FZR1: variants seen among roughly 807,000 people sequenced by gnomAD.
FZR1 encodes fizzy-related protein homolog.
Under a neutral mutation model 63.6 loss-of-function variants are expected in FZR1, and 11 were observed. That is an observed-to-expected ratio of 0.17 (90% CI 0.11 to 0.29). The LOEUF is 0.29. FZR1 is among the 10% of genes least tolerant of loss of function. The pLI is 1.00. For synonymous variants in FZR1, 328 were observed against 297.9 expected, an observed-to-expected ratio of 1.10 and a Z score of -1.04; for missense variants, 440 against 687.5, an observed-to-expected ratio of 0.64 and a Z score of 4.03.
chr19:3,528,055 G>T (rs1323592544), intron 7 of FZR1, among the ~76,000 whole-genome samples: 1 of 145,078 alleles, frequency 6.9e-6, no homozygotes, highest in African/African-American at 2.8e-5. Context: ...TCCCAGCCAT[G>T]GCCCTCCCAG....
Position 3,526,466 on chromosome 19 carries a change from T to G in FZR1, c.387+80T>G. ...CCCCCCACCTCCCAGGCACCAGCTC[T>G]GCCTCCCCGAGCCCGGTTCTCGGGC... On this transcript the variant is annotated intron_variant, in intron 5 of 13. Coordinates refer to ENST00000441788, the MANE Select transcript of FZR1 (RefSeq NM_016263.4). This position sits in a 1 kb window ranked among gnomAD's most constrained non-coding sequence, Gnocchi z 5.4. 1.7e-6 allele frequency: 2 copies of G among 1,195,074 alleles called. No homozygotes were observed. The highest frequency in any genetic ancestry group is 2.4e-6 in the Non-Finnish European group (2 of 849,152). The allele number at this position is 1,195,074 out of a possible 1,614,324, so 74.0% of individuals were successfully genotyped here.
At chr19:3,531,872 G>A in intron 9 of FZR1, 39 bp from the exon 10 acceptor site, 1 of 1,565,912 alleles carries the variant, frequency 6.4e-7, no homozygotes, top group Non-Finnish European at 8.6e-7. Context: ...GCTCCGCGAG[G>A]GCAGGAGAGG....
chr19:3,516,295 G>A lies in FZR1; in HGVS notation c.-34-6661G>A, dbSNP rs996668194. On this transcript the variant is annotated intron_variant, in intron 1 of 13. Coordinates refer to ENST00000441788, the MANE Select transcript of FZR1 (RefSeq NM_016263.4). This position sits in a 1 kb window ranked among gnomAD's most constrained non-coding sequence, Gnocchi z 6.0. Reference sequence around the variant, plus strand: ...GGTTGGATTGGCAGCTCCTGACTGCGAGGGAGGACTGGTCCTTTCCCAGTG... The same window carrying A: ...GGTTGGATTGGCAGCTCCTGACTGCAAGGGAGGACTGGTCCTTTCCCAGTG... 1.3e-5 allele frequency among the ~76,000 whole-genome samples: 2 copies of A among 152,200 alleles called. No homozygotes were observed. Among genetic ancestry groups the A allele is most frequent in the African/African-American group, 4.8e-5 (2 of 41,450 alleles).
Position 3,533,021 on chromosome 19 carries a change from G to A in FZR1, c.1243-273G>A. ...GCGTGTCACCAGGACAGTCTCGGGG[G>A]TGACTTGCAGGTGGGGCAGAGGGGC... On this transcript the variant is annotated intron_variant, in intron 11 of 13. Coordinates refer to ENST00000441788, the MANE Select transcript of FZR1 (RefSeq NM_016263.4). The surrounding 1 kb of genome is among the most constrained non-coding windows in gnomAD (Gnocchi z 4.9). Among the ~76,000 whole-genome samples the A allele has an allele frequency of 6.6e-6, 1 of 152,194 alleles. No homozygotes were observed. The highest frequency in any genetic ancestry group is 1.9e-4 in the East Asian group (1 of 5,190).
intron 1 of FZR1, among the ~76,000 whole-genome samples, chr19:3,510,008 C>T (rs957251694): frequency 6.6e-6 from 1 of 152,072 alleles, no homozygotes; most frequent in South Asian, 2.1e-4. Flanking sequence ...ATGGTGTCAA[C>T]CCCATGCAAC....
Position 3,536,004 on chromosome 19 carries a change from C to G in FZR1, c.*1168C>G, listed in dbSNP as rs1435400054. ...GCTGAGCACTGCCCCCTCACCCCCC[C>G]ACCACCCCTTCCCATTTCATCGGTG... On this transcript the variant is annotated 3_prime_UTR_variant, in exon 14 of 14. Transcript: ENST00000441788. 4.6e-5 allele frequency: 7 copies of G among 152,378 alleles called. No individual in the cohort carries two copies. Among genetic ancestry groups the G allele is most frequent in the African/African-American group, 1.4e-4 (6 of 41,428 alleles). The allele number at this position is 152,378 out of a possible 1,614,324, so 9.4% of individuals were successfully genotyped here. A position where few individuals can be genotyped will look rare whatever the true frequency, so the allele number is the denominator to read the frequency against.
chr19:3,516,563 A>G lies in FZR1; in HGVS notation c.-34-6393A>G, dbSNP rs2083060053. ...TCCCGGAGCTGAGCTGAGCACCGCT[A>G]GCAGCACCGGGCAAGTGTCCAGGTG... On this transcript the variant is annotated intron_variant, in intron 1 of 13. Coordinates refer to ENST00000441788, the MANE Select transcript of FZR1 (RefSeq NM_016263.4). This position sits in a 1 kb window ranked among gnomAD's most constrained non-coding sequence, Gnocchi z 6.0. Among the ~76,000 whole-genome samples the G allele has an allele frequency of 1.3e-5, 2 of 152,030 alleles. 1 individual carries two copies. The highest frequency in any genetic ancestry group is 4.2e-4 in the South Asian group (2 of 4,818).
At chr19:3,529,775 T>G (rs1175779811) in intron 7 of FZR1, among the ~76,000 whole-genome samples, 12 of 110,360 alleles carry the variant, frequency 1.1e-4, no homozygotes, top group Non-Finnish European at 2.1e-4. Context: ...GGTGAGCGGA[T>G]GCGAGAGTGG....
At position 3,537,758 on chromosome 19, in the gene FZR1, G is replaced by A. The variant is rs2030036380; in HGVS notation, c.*2922G>A. 1.3e-5 allele frequency: 2 copies of A among 152,762 alleles called. No homozygotes were observed. Among genetic ancestry groups the A allele is most frequent in the South Asian group, 4.1e-4 (2 of 4,844 alleles). The allele number at this position is 152,762 out of a possible 1,614,324, so 9.5% of individuals were successfully genotyped here. ...TGGGGCAGGCCCCATCCTGGGCATTGGAGATGATGAAACCGAGCAGACCTG... is the reference window on the plus strand; with the variant it reads ...TGGGGCAGGCCCCATCCTGGGCATTAGAGATGATGAAACCGAGCAGACCTG... On this transcript the variant is annotated 3_prime_UTR_variant, in exon 14 of 14. Transcript: ENST00000441788.
rs752636363 is a variant in FZR1 at position 3,523,068 on chromosome 19, C to T, written c.69+10C>T. The T allele has an allele frequency of 6.4e-7, 1 of 1,561,120 alleles. No homozygotes were observed. Among genetic ancestry groups the T allele is most frequent in the African/African-American group, 1.4e-5 (1 of 74,000 alleles). ...GAACACGATGCCACGCGTGAGTGCC[C>T]CCGCCCTGCCCACCACTGTGGCTCC... On this transcript the variant is annotated intron_variant, in intron 2 of 13. Coordinates refer to ENST00000441788, the MANE Select transcript of FZR1 (RefSeq NM_016263.4).
At chr19:3,531,222 A>G (rs2083243487) in intron 8 of FZR1, among the ~76,000 whole-genome samples, 1 of 152,168 alleles carries the variant, frequency 6.6e-6, no homozygotes, top group Non-Finnish European at 1.5e-5. Flanking sequence ...GCAGCTTTGA[A>G]GCATATCATG....
chr19:3,516,063 A>C lies in FZR1; in HGVS notation c.-34-6893A>C, dbSNP rs1249432871. ...GAGTTTCTAAGGATAAATTCTTAGA[A>C]GTAGAAATACCGCATCACAGAGGAT... is the stretch of plus-strand genomic sequence containing the variant. On this transcript the variant is annotated intron_variant, in intron 1 of 13. Transcript: ENST00000441788. This position sits in a 1 kb window ranked among gnomAD's most constrained non-coding sequence, Gnocchi z 6.0. 6.6e-6 allele frequency among the ~76,000 whole-genome samples: 1 copy of C among 152,248 alleles called. No individual in the cohort carries two copies. The highest frequency in any genetic ancestry group is 6.5e-5 in the Admixed American group (1 of 15,280).
intron 11 of FZR1, 150 bp downstream of exon 11, chr19:3,532,800 G>A: frequency 1.5e-6 from 1 of 657,124 alleles, no homozygotes; most frequent in South Asian, 1.7e-5. Context: ...GAGGCAGGGA[G>A]TTGTGGGGGG....
chr19:3,523,043 G>C lies in FZR1; in HGVS notation c.54G>C (p.Glu18Asp), dbSNP rs776991909. 1.9e-6 allele frequency: 3 copies of C among 1,607,666 alleles called. No individual in the cohort carries two copies. Among genetic ancestry groups the C allele is most frequent in the Non-Finnish European group, 2.6e-6 (3 of 1,175,306 alleles). ...TTCGCCAGATCGTCATCCAGAATGA[G>C]AACACGATGCCACGCGTGAGTGCCC... ...RLLRQIVIQNENTMPRVTEMR... is the reference protein window; with the variant it reads ...RLLRQIVIQNDNTMPRVTEMR... Residue 18 changes from glutamate (E) to aspartate (D), a missense_variant, in exon 2 of 14, where the codon GAG becomes GAC. Glu to Asp is a conservative substitution (Grantham distance 45, BLOSUM62 2). Coordinates refer to ENST00000441788, the MANE Select transcript of FZR1 (RefSeq NM_016263.4).
chr19:3,531,859 C>CCAGCTCCGCGAGGGCAGGAGAGGCT, intron 9 of FZR1, 43 bp downstream of exon 9: 1 of 1,553,228 alleles, frequency 6.4e-7, no homozygotes, highest in Non-Finnish European at 8.7e-7. Flanking sequence ...CCCTGAGGCC[C>CCAGCTCCGCGAGGGCAGGAGAGGCT]CAGCTCCGCG....
intron 1 of FZR1, among the ~76,000 whole-genome samples, chr19:3,519,364 GC>G (rs923905732): frequency 2.0e-5 from 3 of 152,238 alleles, no homozygotes; most frequent in Non-Finnish European, 4.4e-5. Flanking sequence ...GCTGCATGGG[GC>G]TTGTGAAGCC....
At chr19:3,529,151 CGGATGGG>C (rs2083200425) in intron 7 of FZR1, among the ~76,000 whole-genome samples, 1 of 34,460 alleles carries the variant, frequency 2.9e-5, no homozygotes, top group Non-Finnish European at 5.4e-5. Flanking sequence ...GATGGGAGAG[CGGATGGG>C]AGAGCGGTTG....
In FZR1 at chr19:3,533,357, G is replaced by A. The variant is rs1442687365; in HGVS notation, c.1306G>A (p.Val436Met). ...CTGGAAGTACCCCTCCCTGACCCAG[G>A]TGGCCAAGCTGACCGGGCACTCCTA... is the stretch of plus-strand genomic sequence containing the variant. ...LVWKYPSLTQ[V>M]AKLTGHSYRV... Residue 436 changes from valine to methionine, a missense_variant, in exon 12 of 14, where the codon GTG (valine) becomes ATG (methionine). Val to Met is a conservative substitution (Grantham distance 21). Coordinates refer to ENST00000441788, the MANE Select transcript of FZR1 (RefSeq NM_016263.4). The surrounding 1 kb of genome is among the most constrained non-coding windows in gnomAD (Gnocchi z 4.9). 1 of 1,613,092 alleles carries A rather than the reference G, an allele frequency of 6.2e-7. No homozygotes were observed. Among genetic ancestry groups the A allele is most frequent in the Non-Finnish European group, 8.5e-7 (1 of 1,179,792 alleles).
rs868008980 is a variant in FZR1 at position 3,525,958 on chromosome 19, G to A, written c.160G>A (p.Gly54Arg). 1.4e-5 allele frequency: 22 copies of A among 1,612,106 alleles called. No homozygotes were observed. Among genetic ancestry groups the A allele is most frequent in the African/African-American group, 4.0e-5 (3 of 74,922 alleles). The part of the protein sequence containing the change: ...HGDRFIPSRA[G>R]ANWSVNFHRI... The stretch of plus-strand genomic sequence containing the variant: ...AGACCGCTTCATCCCCTCCAGAGCC[G>A]GAGCCAACTGGAGCGTGAACTTCCA... Residue 54 changes from glycine to arginine, a missense_variant, in exon 3 of 14, where the codon GGA (glycine) becomes AGA (arginine). Around this residue, in one of 5 missense-constraint regions of FZR1, gnomAD observed 200 missense variants for 245.1 expected, o/e 0.82. Transcript: ENST00000441788. This position sits in a 1 kb window ranked among gnomAD's most constrained non-coding sequence, Gnocchi z 4.2.
Sources: allele counts gnomAD v4.1 joint callset (sites outside exome capture counted in the v4.1 genomes callset), GRCh38; gene constraint gnomAD v4.1.1; regional missense constraint gnomAD v4.1.1; non-coding constraint Gnocchi (gnomAD v3.1); transcripts MANE v1.5; gene names NCBI Gene and HGNC (gene_info 2026-07-23, HGNC 2026-07-21).